The following FAM107A variants were observed in gnomAD, a reference collection of about 807,000 sequenced individuals.
FAM107A encodes family with sequence similarity 107 member A, also known as actin-associated protein FAM107A.
Under a neutral mutation model 13.7 loss-of-function variants are expected in FAM107A, and 19 were observed. That is an observed-to-expected ratio of 1.38 (90% CI 0.97 to 2.03). FAM107A has a LOEUF of 2.03. FAM107A is among the 30% of genes most tolerant of loss of function. FAM107A has a pLI of 0.00. For synonymous variants in FAM107A, 82 were observed against 74.5 expected, an observed-to-expected ratio of 1.10 and a Z score of -0.52; for missense variants, 203 against 184.4, an observed-to-expected ratio of 1.10 and a Z score of -0.58.
exon 1 of FAM107A, chr3:58,586,979 C>A: frequency 6.7e-7 from 1 of 1,495,106 alleles, no homozygotes. Context: ...GCTGGCCCCG[C>A]GAGCGCACAG....
chr3:58,601,328 G>A (rs1322473346), intron 1 of FAM107A, among the ~76,000 whole-genome samples: 1 of 152,156 alleles, frequency 6.6e-6, no homozygotes, highest in African/African-American at 2.4e-5. Context: ...TCCAGGAATT[G>A]TCTCTGCTTC....
intron 1 of FAM107A, among the ~76,000 whole-genome samples, chr3:58,625,776 G>T (rs1488968169): frequency 4.6e-5 from 7 of 152,162 alleles, no homozygotes; most frequent in Non-Finnish European, 1.5e-5. Context: ...CCCTTTATGA[G>T]AAATAAAGCT....
chr3:58,626,136 G>C (rs780075334), intron 1 of FAM107A, among the ~76,000 whole-genome samples: 3 of 152,182 alleles, frequency 2.0e-5, no homozygotes, highest in African/African-American at 7.2e-5. Context: ...GCAGTACCGG[G>C]TCGTTGTGGT....
chr3:58,572,299 C>T (rs909035071), intron 1 of FAM107A, among the ~76,000 whole-genome samples: 3 of 152,170 alleles, frequency 2.0e-5, no homozygotes, highest in African/African-American at 7.2e-5. Context: ...GGGAGGCCAA[C>T]AGTCAGCACA....
Position 58,572,264 on chromosome 3 carries a change from C to T in FAM107A, c.-5-2399G>A, listed in dbSNP as rs576662601. 3.5e-4 allele frequency among the ~76,000 whole-genome samples: 54 copies of T among 152,230 alleles called. No homozygotes were observed. In the Middle Eastern group the frequency reaches 0.01, roughly 29 times the overall value. On this transcript the variant is annotated intron_variant, in intron 1 of 3. Transcript: ENST00000360997. ...GAGAACTAAACAAGTGAGATCCCGG[C>T]GCTCACAGAACCCACACTCTGCTGG...
At chr3:58,592,382 G>C (rs1016318802) in intron 1 of FAM107A, among the ~76,000 whole-genome samples, 4 of 152,146 alleles carry the variant, frequency 2.6e-5, no homozygotes, top group African/African-American at 9.7e-5. Context: ...TCAGGGATTT[G>C]ACCCTGCCTA....
intron 1 of FAM107A, among the ~76,000 whole-genome samples, chr3:58,586,524 C>CA (rs950782131): frequency 6.6e-6 from 1 of 151,928 alleles, no homozygotes; most frequent in African/African-American, 2.4e-5. Flanking sequence ...CTCGTCCCTA[C>CA]AAAAAATTTA....
intron 1 of FAM107A, among the ~76,000 whole-genome samples, chr3:58,600,001 T>A (rs1392822107): frequency 6.6e-6 from 1 of 152,054 alleles, no homozygotes; most frequent in Non-Finnish European, 1.5e-5. Context: ...ATATGCGTGT[T>A]ATTCTTCGGC....
intron 1 of FAM107A, among the ~76,000 whole-genome samples, chr3:58,593,110 G>C (rs2065667568): frequency 6.6e-6 from 1 of 152,052 alleles, no homozygotes; most frequent in South Asian, 2.1e-4. Context: ...CTCCCCATTG[G>C]GTTCACCGTT....
At chr3:58,623,596 C>T (rs561609524) in intron 1 of FAM107A, among the ~76,000 whole-genome samples, 19 of 152,292 alleles carry the variant, frequency 1.2e-4, no homozygotes, top group African/African-American at 4.6e-4. Context: ...AATGAGATGC[C>T]CCGACAGGGG....
At position 58,601,940 on chromosome 3, in the gene FAM107A, G is replaced by T. The variant is rs114252448; in HGVS notation, c.-69-12671C>A. Among the ~76,000 whole-genome samples the T allele has an allele frequency of 4.7e-3, 723 of 152,230 alleles. 4 individuals are homozygous for T. Among genetic ancestry groups the T allele is most frequent in the Non-Finnish European group, 7.5e-3 (507 of 67,998 alleles). On this transcript the variant is annotated intron_variant, in intron 1 of 3. Transcript: ENST00000465970. ...GGATGGGGCCGGGAGAGGGGACTTG[G>T]CAAGGGGGCTCCTGGAGGTCAAGGA...
chr3:58,595,715 C>T (rs1023333813), intron 1 of FAM107A, among the ~76,000 whole-genome samples: 1 of 152,140 alleles, frequency 6.6e-6, no homozygotes, highest in African/African-American at 2.4e-5. Flanking sequence ...CACACACACA[C>T]ACAAGAAATG....
rs147947864 is a variant in FAM107A at position 58,626,010 on chromosome 3, C to G, written c.-70+1406G>C. Reference sequence around the variant, plus strand: ...TCATCTTGTTGAACTTCCCACGAAGCAGGTACCAGCCCCCCTTTATAAACA... The same window carrying G: ...TCATCTTGTTGAACTTCCCACGAAGGAGGTACCAGCCCCCCTTTATAAACA... On this transcript the variant is annotated intron_variant, in intron 1 of 3. Coordinates refer to the FAM107A transcript ENST00000465970. Among the ~76,000 whole-genome samples the G allele has an allele frequency of 5.7e-3, 872 of 152,290 alleles. 9 individuals carry two copies. Among genetic ancestry groups the G allele is most frequent in the African/African-American group, 0.02 (840 of 41,552 alleles).
intron 1 of FAM107A, among the ~76,000 whole-genome samples, chr3:58,601,397 G>A (rs1023005510): frequency 6.6e-6 from 1 of 152,176 alleles, no homozygotes; most frequent in South Asian, 2.1e-4. Flanking sequence ...GGCTCACACT[G>A]AATGTGCCAG....
At chr3:58,579,184 G>A (rs779888255), upstream of FAM107A, among the ~76,000 whole-genome samples, 9 of 152,060 alleles carry the variant, frequency 5.9e-5, no homozygotes, top group Non-Finnish European at 7.4e-5. Flanking sequence ...GAGAGTCTTC[G>A]TAGGGTGGGA....
At chr3:58,592,586 G>A (rs11719521) in intron 1 of FAM107A, among the ~76,000 whole-genome samples, 27,183 of 151,918 alleles carry the variant, frequency 0.18, 3,200 homozygotes, top group East Asian at 0.46. Flanking sequence ...GTCCGATAAC[G>A]GACCGGCCTT....
chr3:58,606,389 C>T (rs1025595688), intron 1 of FAM107A, among the ~76,000 whole-genome samples: 1 of 152,216 alleles, frequency 6.6e-6, no homozygotes, highest in Non-Finnish European at 1.5e-5. Flanking sequence ...AGCCACCATG[C>T]CCGGCCTATG....
At chr3:58,594,769 A>G (rs2065684358) in intron 1 of FAM107A, among the ~76,000 whole-genome samples, 2 of 152,178 alleles carry the variant, frequency 1.3e-5, no homozygotes, top group East Asian at 3.8e-4. Context: ...AGGACTGTAT[A>G]TTTTCAAATG....
intron 1 of FAM107A, chr3:58,586,826 C>G: frequency 6.6e-7 from 1 of 1,517,406 alleles, no homozygotes; most frequent in Non-Finnish European, 8.8e-7. Context: ...TCGCCCACTT[C>G]CCGCGGCGAG....
Sources: allele counts gnomAD v4.1 joint callset (sites outside exome capture counted in the v4.1 genomes callset), GRCh38; gene constraint gnomAD v4.1.1; transcripts MANE v1.5; gene names NCBI Gene and HGNC (gene_info 2026-07-23, HGNC 2026-07-21).